The following TEAD4 variants were observed in gnomAD, a reference collection of about 807,000 sequenced individuals.
TEAD4 encodes transcriptional enhancer factor TEF-3.
Under a neutral mutation model 52.4 loss-of-function variants are expected in TEAD4, and 36 were observed. The ratio of observed to expected loss-of-function variants is 0.69; its 90% confidence interval spans 0.53 to 0.91. The LOEUF is 0.91. Ranked by LOEUF, TEAD4 falls within the 40% of genes least tolerant of loss-of-function variation. The pLI is 0.00. For missense variants in TEAD4, 508 were observed against 583.9 expected, an observed-to-expected ratio of 0.87 and a Z score of 1.34; for synonymous variants, 220 against 231.0, an observed-to-expected ratio of 0.95 and a Z score of 0.43.
chr12:3,037,402 G>A (rs2098280071), intron 10 of TEAD4, among the ~76,000 whole-genome samples: 1 of 152,156 alleles, frequency 6.6e-6, no homozygotes, highest in South Asian at 2.1e-4. Flanking sequence ...AGGGGGAAGA[G>A]GCCAGCCCCA....
rs2153955403 is a variant in TEAD4 at position 2,994,753 on chromosome 12, C to T, written c.-14C>T. ...GTCCCCACAGGTCCAACGAGCGCTC[C>T]TCCAAGCGGAGCCTTGGAGGGCACG... On this transcript the variant is annotated 5_prime_UTR_variant, in exon 3 of 13. Transcript: ENST00000359864. The surrounding 1 kb of genome is among the most constrained non-coding windows in gnomAD (Gnocchi z 4.7). 1.9e-6 allele frequency: 3 copies of T among 1,596,608 alleles called. No homozygotes were observed. The East Asian group carries it at 6.7e-5, about 36-fold the overall frequency.
intron 2 of TEAD4, among the ~76,000 whole-genome samples, chr12:2,967,294 A>G (rs2098221266): frequency 1.3e-5 from 2 of 152,176 alleles, no homozygotes; most frequent in African/African-American, 2.4e-5. Context: ...CATAATTGCA[A>G]TTATACTCTA....
In TEAD4 at chr12:3,038,829, C is replaced by G. The variant is rs561175785; in HGVS notation, c.1038+721C>G. ...TCTTCACTGTCCGTGACACGGTCTCCTGCAGCACCCTGTGTTCTGGGCCCG... is the reference window on the plus strand; with the variant it reads ...TCTTCACTGTCCGTGACACGGTCTCGTGCAGCACCCTGTGTTCTGGGCCCG... On this transcript the variant is annotated intron_variant, in intron 11 of 12. Coordinates refer to ENST00000359864, the MANE Select transcript of TEAD4 (RefSeq NM_003213.4). 9.8e-5 allele frequency among the ~76,000 whole-genome samples: 15 copies of G among 152,332 alleles called. No homozygotes were observed. In the South Asian group the frequency reaches 3.1e-3, roughly 32 times the overall value.
intron 3 of TEAD4, among the ~76,000 whole-genome samples, chr12:3,007,643 C>T (rs900323387): frequency 3.3e-5 from 5 of 152,200 alleles, no homozygotes; most frequent in African/African-American, 1.2e-4. Flanking sequence ...CAAGTTGATA[C>T]ATTTTGACAG....
chr12:3,027,205 C>G (rs2098272616), intron 10 of TEAD4, among the ~76,000 whole-genome samples: 1 of 152,180 alleles, frequency 6.6e-6, no homozygotes, highest in South Asian at 2.1e-4. Context: ...GTTGGCCAGG[C>G]TGGTCTCGAA....
Position 3,040,366 on chromosome 12 carries a change from T to G in TEAD4, c.1193T>G (p.Val398Gly). The G allele has an allele frequency of 6.2e-7, 1 of 1,614,114 alleles. No homozygotes were observed. The highest frequency in any genetic ancestry group is 1.1e-5 in the South Asian group (1 of 91,074). ...CCCTTGTCTTTTTCTCTCCCACAGG[T>G]GGTCACCAACAGAGACACACAGGAG... The change falls in exon 13 of 13, where the codon GTG (valine) becomes GGG (glycine). Residue 398 changes from valine (V) to glycine (G), a missense_variant and splice_region_variant. Transcript: ENST00000359864.
chr12:3,039,213 C>T (rs2098281219), intron 11 of TEAD4, among the ~76,000 whole-genome samples: 1 of 152,224 alleles, frequency 6.6e-6, no homozygotes, highest in South Asian at 2.1e-4. Flanking sequence ...ACCCCTCAGT[C>T]TCTAGGGTAG....
In TEAD4 at chr12:3,017,385, A is replaced by G. The variant is rs1430557768; in HGVS notation, c.355-13A>G. 23 of 1,613,816 alleles carry G rather than the reference A, an allele frequency of 1.4e-5. No homozygotes were observed. The highest frequency in any genetic ancestry group is 1.8e-5 in the Non-Finnish European group (21 of 1,179,972). ...GACCCTGCTGAGGTCCTCCCTTGCA[A>G]TGTCTCCCCCAGGACCAGGCAGCTA... On this transcript the variant is annotated splice_polypyrimidine_tract_variant and intron_variant, in intron 5 of 12. Transcript: ENST00000359864.
intron 2 of TEAD4, among the ~76,000 whole-genome samples, chr12:2,980,992 C>G (rs1440728844): frequency 6.6e-6 from 1 of 152,176 alleles, no homozygotes; most frequent in African/African-American, 2.4e-5. Context: ...CCTTAGGAGC[C>G]TCAGCATCTT....
At chr12:2,970,591 G>A (rs1409233444) in intron 2 of TEAD4, among the ~76,000 whole-genome samples, 1 of 152,186 alleles carries the variant, frequency 6.6e-6, no homozygotes, top group Non-Finnish European at 1.5e-5. Flanking sequence ...TCGTAGAGTG[G>A]CCCTGTGGAG....
At chr12:3,036,704 G>T (rs1224262960) in intron 10 of TEAD4, among the ~76,000 whole-genome samples, 1 of 152,200 alleles carries the variant, frequency 6.6e-6, no homozygotes, top group African/African-American at 2.4e-5. Flanking sequence ...TTGTTTCTGA[G>T]TCTTGACTTG....
chr12:3,000,038 G>A (rs537653272), intron 3 of TEAD4, among the ~76,000 whole-genome samples: 9 of 152,186 alleles, frequency 5.9e-5, no homozygotes, highest in Admixed American at 4.6e-4. Context: ...TTAGCAGCCC[G>A]TCAGTTCTCA....
chr12:3,000,583 C>T (rs1177631146), intron 3 of TEAD4, among the ~76,000 whole-genome samples: 1 of 152,132 alleles, frequency 6.6e-6, no homozygotes, highest in Non-Finnish European at 1.5e-5. Flanking sequence ...CCTTAAAGGC[C>T]CACCTGTCCA....
intron 2 of TEAD4, among the ~76,000 whole-genome samples, chr12:2,977,183 A>G (rs540371804): frequency 2.9e-4 from 44 of 152,288 alleles, no homozygotes; most frequent in Non-Finnish European, 2.9e-4. Flanking sequence ...ACTGAGGATT[A>G]GAGTAGCTTG....
At chr12:2,973,233 G>A (rs776893376) in intron 2 of TEAD4, among the ~76,000 whole-genome samples, 7 of 152,054 alleles carry the variant, frequency 4.6e-5, no homozygotes, top group Non-Finnish European at 5.9e-5. Flanking sequence ...CACCACGCCC[G>A]GCTCATTTTT....
At chr12:3,024,901 C>A (rs2153957712) in intron 10 of TEAD4, among the ~76,000 whole-genome samples, 1 of 63,358 alleles carries the variant, frequency 1.6e-5, no homozygotes, top group Middle Eastern at 8.5e-3. Context: ...TTCTGGAGAT[C>A]TTTCTCCTGG....
At chr12:3,035,820 T>G (rs1361982591) in intron 10 of TEAD4, among the ~76,000 whole-genome samples, 1 of 28,830 alleles carries the variant, frequency 3.5e-5, no homozygotes, top group African/African-American at 5.3e-5. Flanking sequence ...ATTCTGTCTT[T>G]AACAAAAAAA....
intron 5 of TEAD4, among the ~76,000 whole-genome samples, chr12:3,016,064 G>A (rs528100385): frequency 3.3e-5 from 5 of 152,172 alleles, no homozygotes; most frequent in African/African-American, 9.6e-5. Context: ...TTCTTGCTCC[G>A]TTGCCCAGGC....
chr12:3,017,071 T>C (rs754206376), intron 5 of TEAD4: 5 of 494,604 alleles, frequency 1.0e-5, no homozygotes, highest in South Asian at 7.7e-5. Context: ...AGACAGGTGC[T>C]GAGCTAGGCA....
Sources: gnomAD v4.1 joint callset for allele counts (sites outside exome capture counted in the v4.1 genomes callset) on GRCh38, gnomAD v4.1.1 for gene constraint, Gnocchi (gnomAD v3.1) non-coding constraint, MANE v1.5 for transcripts, NCBI Gene and HGNC (gene_info 2026-07-23, HGNC 2026-07-21) for gene names.